MANBAL: variants seen among roughly 807,000 people sequenced by gnomAD.
MANBAL encodes the protein protein MANBAL.
In MANBAL, 1 loss-of-function variant was observed where a neutral mutation model predicts 6.4. That is an observed-to-expected ratio of 0.16 (90% CI 0.06 to 0.74). The LOEUF is 0.74. Among genes scored for constraint, MANBAL ranks in the 30% least tolerant of loss-of-function variants. The pLI is 0.78. For missense variants in MANBAL, 100 were observed against 107.8 expected (o/e 0.93, Z 0.32); for synonymous variants, 47 against 45.8 (o/e 1.03, Z -0.10).
intron 2 of MANBAL, among the ~76,000 whole-genome samples, chr20:37,311,111 G>A (rs979578542): frequency 2.6e-5 from 4 of 152,150 alleles, no homozygotes; most frequent in Admixed American, 1.3e-4. Context: ...AGTGTGGCTC[G>A]TGGTGGCTGG....
intron 1 of MANBAL, chr20:37,299,014 C>A (rs2069068665): frequency 7.1e-6 from 1 of 141,648 alleles, no homozygotes; most frequent in South Asian, 2.3e-4. Context: ...TGGGCTTACA[C>A]TTTGGGCGTA....
At chr20:37,308,394 A>G (rs953333327) in intron 2 of MANBAL, among the ~76,000 whole-genome samples, 10 of 152,176 alleles carry the variant, frequency 6.6e-5, no homozygotes, top group Non-Finnish European at 1.3e-4. Flanking sequence ...CATGGAGAGC[A>G]CATGTGACAC....
At chr20:37,307,067 C>T (rs2069275489) in intron 2 of MANBAL, among the ~76,000 whole-genome samples, 2 of 152,166 alleles carry the variant, frequency 1.3e-5, no homozygotes, top group Admixed American at 1.3e-4. Context: ...CTCAAGTGAT[C>T]CTCCCGTCCT....
chr20:37,298,101 AC>A (rs1341134978), intron 1 of MANBAL, among the ~76,000 whole-genome samples: 1 of 152,202 alleles, frequency 6.6e-6, no homozygotes, highest in East Asian at 1.9e-4. Context: ...CAGGAGGATC[AC>A]TTGAGCATAA....
chr20:37,301,135 C>CATAAATAAATAAATAAATAA (rs200477783), intron 1 of MANBAL, 73 bp from the exon 2 acceptor site: 2 of 932,294 alleles, frequency 2.1e-6, no homozygotes, highest in African/African-American at 1.7e-5. Context: ...GACTCCATCT[C>CATAAATAAATAAATAAATAA]ATAAATAAAT....
At chr20:37,309,435 C>T (rs993316430) in intron 2 of MANBAL, among the ~76,000 whole-genome samples, 2 of 152,132 alleles carry the variant, frequency 1.3e-5, no homozygotes, top group East Asian at 1.9e-4. Flanking sequence ...CTGAGAGTCC[C>T]CCAGACCCCC....
At chr20:37,303,941 TG>T (rs2069199625) in intron 2 of MANBAL, among the ~76,000 whole-genome samples, 1 of 152,224 alleles carries the variant, frequency 6.6e-6, no homozygotes, top group Non-Finnish European at 1.5e-5. Context: ...TTATCATTTC[TG>T]GGAATTGTGA....
At chr20:37,315,042 A>G (rs925818269) in intron 2 of MANBAL, among the ~76,000 whole-genome samples, 1 of 152,244 alleles carries the variant, frequency 6.6e-6, no homozygotes, top group Non-Finnish European at 1.5e-5. Context: ...CTCAATAAAG[A>G]ACATGGGCAC....
At chr20:37,302,220 A>G (rs968898340) in intron 2 of MANBAL, 122 of 1,549,342 alleles carry the variant, frequency 7.9e-5, no homozygotes, top group East Asian at 1.2e-4. Context: ...GGAATTGGCT[A>G]TTGCTTCTCT....
chr20:37,293,147 G>T (rs559218483), intron 1 of MANBAL, among the ~76,000 whole-genome samples: 2 of 152,316 alleles, frequency 1.3e-5, no homozygotes, highest in South Asian at 2.1e-4. Flanking sequence ...CACAGACCTG[G>T]GGGTGGGGAT....
intron 1 of MANBAL, among the ~76,000 whole-genome samples, chr20:37,295,270 C>T (rs1157539506): frequency 6.6e-6 from 1 of 152,078 alleles, no homozygotes; most frequent in Non-Finnish European, 1.5e-5. Flanking sequence ...CAAGATGTAC[C>T]CAAGATCCTT....
chr20:37,292,601 A>G (rs1484264397), intron 1 of MANBAL, among the ~76,000 whole-genome samples: 1 of 152,196 alleles, frequency 6.6e-6, no homozygotes, highest in African/African-American at 2.4e-5. Flanking sequence ...GGCGTGAGCC[A>G]CCATGCCGGG....
At chr20:37,290,685 C>T (rs2068846279) in intron 1 of MANBAL, among the ~76,000 whole-genome samples, 1 of 152,114 alleles carries the variant, frequency 6.6e-6, no homozygotes, top group Non-Finnish European at 1.5e-5. Flanking sequence ...TCTCAAACTC[C>T]CGACCTCAGG....
chr20:37,309,505 G>A (rs958732140), intron 2 of MANBAL, among the ~76,000 whole-genome samples: 4 of 152,208 alleles, frequency 2.6e-5, no homozygotes, highest in Admixed American at 2.0e-4. Context: ...ACAGACAGCC[G>A]GTGGCCAGCA....
intron 2 of MANBAL, chr20:37,302,335 T>G: frequency 1.9e-6 from 3 of 1,550,568 alleles, no homozygotes; most frequent in Non-Finnish European, 2.6e-6. Flanking sequence ...TACGAATACC[T>G]CAGAGCTGGT....
chr20:37,308,178 C>T (rs2069300277), intron 2 of MANBAL, among the ~76,000 whole-genome samples: 1 of 152,180 alleles, frequency 6.6e-6, no homozygotes, highest in African/African-American at 2.4e-5. Flanking sequence ...GTGGCTGACC[C>T]AGCTTGGGAC....
chr20:37,298,003 CTA>C (rs369593915), intron 1 of MANBAL, among the ~76,000 whole-genome samples: 5 of 152,044 alleles, frequency 3.3e-5, no homozygotes, highest in African/African-American at 1.2e-4. Context: ...ATAATACAGA[CTA>C]TGTATAATTT....
chr20:37,299,672 G>T (rs2069086698), intron 1 of MANBAL, among the ~76,000 whole-genome samples: 1 of 152,196 alleles, frequency 6.6e-6, no homozygotes, highest in South Asian at 2.1e-4. Flanking sequence ...GCCACTGATG[G>T]GTGCTGTGGT....
At chr20:37,310,088 G>A (rs2069348351) in intron 2 of MANBAL, among the ~76,000 whole-genome samples, 1 of 152,222 alleles carries the variant, frequency 6.6e-6, no homozygotes, top group South Asian at 2.1e-4. Flanking sequence ...AGCCAGTGGG[G>A]AGGGCCAGCA....
Sources: allele counts gnomAD v4.1 joint callset (sites outside exome capture counted in the v4.1 genomes callset), GRCh38; gene constraint gnomAD v4.1.1; transcripts MANE v1.5; gene names NCBI Gene and HGNC (gene_info 2026-07-23, HGNC 2026-07-21).